Variants in PDZD2 observed in about 807,000 individuals in gnomAD.
PDZD2 encodes PDZ domain-containing protein 2.
Under a neutral mutation model 220.7 loss-of-function variants are expected in PDZD2, and 90 were observed. That is an observed-to-expected ratio of 0.41 (90% CI 0.34 to 0.49). The LOEUF is 0.49. PDZD2 is among the 20% of genes least tolerant of loss of function. The probability of loss-of-function intolerance (pLI) is 0.28; values close to 1 mark genes in which losing one functional copy is unlikely to be tolerated. For synonymous variants in PDZD2, 1,375 were observed against 1,450.5 expected, an observed-to-expected ratio of 0.95 and a Z score of 1.18; for missense variants, 3,174 against 3,608.5, an observed-to-expected ratio of 0.88 and a Z score of 3.08.
chr5:31,803,880 T>A (rs11743898), intron 2 of PDZD2, among the ~76,000 whole-genome samples: 14,756 of 151,532 alleles, frequency 0.097, 808 homozygotes, highest in South Asian at 0.21. Flanking sequence ...TATAAAAAAA[T>A]TTTTTTTAAT....
At chr5:31,954,710 C>T (rs554774212) in intron 2 of PDZD2, among the ~76,000 whole-genome samples, 3 of 152,170 alleles carry the variant, frequency 2.0e-5, no homozygotes, top group Non-Finnish European at 2.9e-5. Flanking sequence ...AGGCGGATCA[C>T]GAGGTCAGGA....
intron 2 of PDZD2, among the ~76,000 whole-genome samples, chr5:31,914,888 A>G (rs1344716226): frequency 6.6e-6 from 1 of 152,204 alleles, no homozygotes; most frequent in Non-Finnish European, 1.5e-5. Flanking sequence ...GTGCTCATAC[A>G]GGAGTGGAGG....
chr5:32,046,145 C>T (rs1345665516), intron 7 of PDZD2, among the ~76,000 whole-genome samples: 3 of 152,150 alleles, frequency 2.0e-5, no homozygotes, highest in Non-Finnish European at 4.4e-5. Context: ...GTAGTTGATA[C>T]ATCACTTAAG....
intron 7 of PDZD2, among the ~76,000 whole-genome samples, chr5:32,041,466 A>G (rs1055420479): frequency 6.6e-6 from 1 of 152,148 alleles, no homozygotes; most frequent in Admixed American, 6.5e-5. Context: ...AGAAGTAGAC[A>G]TAGGAGACTC....
chr5:31,899,376 G>C (rs575865164), intron 2 of PDZD2, among the ~76,000 whole-genome samples: 1 of 151,938 alleles, frequency 6.6e-6, no homozygotes, highest in Non-Finnish European at 1.5e-5. Flanking sequence ...CAAGTGATCC[G>C]CCCACCTCAT....
At chr5:31,755,861 A>T (rs1273730309) in intron 1 of PDZD2, among the ~76,000 whole-genome samples, 1 of 152,128 alleles carries the variant, frequency 6.6e-6, no homozygotes, top group Non-Finnish European at 1.5e-5. Flanking sequence ...GGGGCCAAGC[A>T]GCGGAGTAAA....
intron 2 of PDZD2, among the ~76,000 whole-genome samples, chr5:31,828,914 C>G (rs996794759): frequency 6.6e-6 from 1 of 152,216 alleles, no homozygotes; most frequent in Non-Finnish European, 1.5e-5. Flanking sequence ...TTTTCTCAGG[C>G]AGCTGCACAT....
intron 2 of PDZD2, among the ~76,000 whole-genome samples, chr5:31,981,354 A>G (rs559499737): frequency 7.9e-5 from 12 of 152,214 alleles, no homozygotes; most frequent in African/African-American, 2.9e-4. Context: ...CGTGACCATT[A>G]GGTATGGGGA....
chr5:31,766,069 A>C (rs1400045600), intron 1 of PDZD2, among the ~76,000 whole-genome samples: 2 of 152,070 alleles, frequency 1.3e-5, no homozygotes, highest in African/African-American at 2.4e-5. Context: ...AGTCCCAGCT[A>C]CTCAGGGGGC....
intron 5 of PDZD2, among the ~76,000 whole-genome samples, chr5:32,003,167 C>CG (rs1752434055): frequency 1.5e-5 from 1 of 67,018 alleles, no homozygotes; most frequent in African/African-American, 4.2e-5. Context: ...AACACACACA[C>CG]CACACACCAT....
At chr5:31,945,774 G>C (rs1051993642) in intron 2 of PDZD2, among the ~76,000 whole-genome samples, 1 of 152,116 alleles carries the variant, frequency 6.6e-6, no homozygotes, top group East Asian at 1.9e-4. Context: ...CCCCCAGGAA[G>C]AGTCTTTAAG....
At chr5:31,861,869 T>C (rs1475914803) in intron 2 of PDZD2, among the ~76,000 whole-genome samples, 5 of 152,088 alleles carry the variant, frequency 3.3e-5, no homozygotes, top group Non-Finnish European at 1.5e-5. Context: ...ACCCTGTTTG[T>C]TCCTGTATTT....
intron 2 of PDZD2, among the ~76,000 whole-genome samples, chr5:31,801,154 G>A (rs1230906550): frequency 6.6e-6 from 1 of 152,194 alleles, no homozygotes; most frequent in Non-Finnish European, 1.5e-5. Context: ...CCAGTACATG[G>A]AAAGGAAGTA....
chr5:32,076,496 T>C (rs943059874), intron 18 of PDZD2, among the ~76,000 whole-genome samples: 1 of 152,206 alleles, frequency 6.6e-6, no homozygotes, highest in Admixed American at 6.5e-5. Flanking sequence ...AATTTGATTT[T>C]ATTTATATCT....
At chr5:31,935,071 G>C (rs921126864) in intron 2 of PDZD2, among the ~76,000 whole-genome samples, 2 of 139,042 alleles carry the variant, frequency 1.4e-5, no homozygotes, top group African/African-American at 2.7e-5. Flanking sequence ...CTGGGCAACA[G>C]AGCCAGACCC....
chr5:31,892,212 A>G (rs1741110893), intron 2 of PDZD2, among the ~76,000 whole-genome samples: 1 of 151,980 alleles, frequency 6.6e-6, no homozygotes, highest in Admixed American at 6.6e-5. Context: ...GCCTGGCCCC[A>G]AACTCTTAAC....
intron 2 of PDZD2, among the ~76,000 whole-genome samples, chr5:31,805,426 T>C (rs1440406473): frequency 6.6e-6 from 1 of 152,176 alleles, no homozygotes; most frequent in African/African-American, 2.4e-5. Flanking sequence ...AAGTGGTAAG[T>C]AGAAATTAGA....
intron 2 of PDZD2, among the ~76,000 whole-genome samples, chr5:31,950,428 T>C (rs1747080667): frequency 6.6e-6 from 1 of 152,212 alleles, no homozygotes; most frequent in Non-Finnish European, 1.5e-5. Context: ...AGCAAATAAC[T>C]GACGTGCTCT....
At chr5:31,758,353 G>A (rs1195797004) in intron 1 of PDZD2, among the ~76,000 whole-genome samples, 3 of 152,196 alleles carry the variant, frequency 2.0e-5, no homozygotes, top group African/African-American at 7.2e-5. Flanking sequence ...AATGAGGGTT[G>A]GGCAGCCTTA....
Sources: gnomAD v4.1 joint callset for allele counts (sites outside exome capture counted in the v4.1 genomes callset) on GRCh38, gnomAD v4.1.1 for gene constraint, MANE v1.5 for transcripts, NCBI Gene and HGNC (gene_info 2026-07-23, HGNC 2026-07-21) for gene names.